PRAG1: variants seen among roughly 807,000 people sequenced by gnomAD.
PRAG1 encodes inactive tyrosine-protein kinase PRAG1.
A neutral mutation model predicts 95.6 loss-of-function variants in PRAG1; 110 were observed. The observed-to-expected ratio is 1.15, with a 90% CI of 0.99 to 1.35. PRAG1 has a LOEUF of 1.35. PRAG1 is among the 40% of genes most tolerant of loss of function. The pLI is 0.00. For missense variants in PRAG1, 2,554 were observed against 1,864.7 expected, an observed-to-expected ratio of 1.37 and a Z score of -6.81; for synonymous variants, 1,052 against 819.4, an observed-to-expected ratio of 1.28 and a Z score of -4.85.
rs768656447 is a variant in PRAG1 at position 8,319,186 on chromosome 8, G to A, written c.3189C>T (p.Leu1063=). The part of the protein sequence containing the change: ...HFVASVPSSM[L]SSPDAPKDPV... ...GGTCCTTGGGCGCGTCGGGGGAGCT[G>A]AGCATGCTGGACGGCACCGAGGCGA... Residue 1063 remains leucine, a synonymous_variant, in exon 6 of 6, where the codon CTC becomes CTT. Coordinates refer to ENST00000615670, the MANE Select transcript of PRAG1 (RefSeq NM_001080826.3). 9.4e-6 allele frequency: 15 copies of A among 1,602,152 alleles called. No individual in the cohort carries two copies. The highest frequency in any genetic ancestry group is 5.4e-5 in the African/African-American group (4 of 74,732).
At position 8,381,752 on chromosome 8, in the gene PRAG1, A is replaced by C; in HGVS notation, c.-5T>G. On this transcript the variant is annotated 5_prime_UTR_variant, in exon 2 of 6. Coordinates refer to ENST00000615670, the MANE Select transcript of PRAG1 (RefSeq NM_001080826.3). ...CAGGCAGAGGGTCTGGTGCATCTTG[A>C]GCCGACAGGGTGCTGGTTCATCTTG... is the stretch of plus-strand genomic sequence containing the variant. The C allele has an allele frequency of 1.3e-6, 2 of 1,570,744 alleles. No homozygotes were observed. The highest frequency in any genetic ancestry group is 1.7e-6 in the Non-Finnish European group (2 of 1,153,878).
Position 8,383,727 on chromosome 8 carries a change from C to G in PRAG1, c.-87-1893G>C, listed in dbSNP as rs188624211. ...TAAGAAGACTGTTAGCTAGGTTCTT[C>G]TCCTCCTCCAAATACACCCAAGTAG... On this transcript the variant is annotated intron_variant, in intron 1 of 5. Transcript: ENST00000615670. Among the ~76,000 whole-genome samples, 505 of 152,310 alleles carry G rather than the reference C, an allele frequency of 3.3e-3. 4 individuals carry two copies. Among genetic ancestry groups the G allele is most frequent in the African/African-American group, 0.011 (476 of 41,562 alleles).
chr8:8,327,129 A>G (rs963386259), intron 5 of PRAG1, among the ~76,000 whole-genome samples: 1 of 152,200 alleles, frequency 6.6e-6, no homozygotes, highest in African/African-American at 2.4e-5. Context: ...TGGTCAATAA[A>G]TGAATAAACT....
chr8:8,322,616 G>A (rs1205964025), intron 5 of PRAG1, among the ~76,000 whole-genome samples: 4 of 152,046 alleles, frequency 2.6e-5, no homozygotes, highest in Non-Finnish European at 5.9e-5. Flanking sequence ...CTCCCTGTTG[G>A]GATTACTGAT....
At chr8:8,375,163 T>C (rs1461481211) in intron 3 of PRAG1, among the ~76,000 whole-genome samples, 1 of 151,974 alleles carries the variant, frequency 6.6e-6, no homozygotes, top group Non-Finnish European at 1.5e-5. Flanking sequence ...TAGGGAAAAC[T>C]GAGTTTCAGC....
chr8:8,376,568 T>G lies in PRAG1; in HGVS notation c.1841A>C (p.Gln614Pro), dbSNP rs952548077. The G allele has an allele frequency of 6.2e-7, 1 of 1,607,248 alleles. No homozygotes were observed. Among genetic ancestry groups the G allele is most frequent in the African/African-American group, 1.3e-5 (1 of 74,812 alleles). The change falls in exon 3 of 6, where the codon CAG becomes CCG. Residue 614 changes from glutamine to proline, a missense_variant. Coordinates refer to ENST00000615670, the MANE Select transcript of PRAG1 (RefSeq NM_001080826.3). Reference protein sequence around the residue: ...VAISDPSRCPQPAASSASEQR... With the variant: ...VAISDPSRCPPPAASSASEQR... ...TTCCGAGGCTGACGAGGCGGCAGGC[T>G]GGGGACACCTGGATGGGTCACTGAT...
At position 8,377,979 on chromosome 8, in the gene PRAG1, C is replaced by A. The variant is rs774354623; in HGVS notation, c.430G>T (p.Gly144Cys). 2 of 1,613,036 alleles carry A rather than the reference C, an allele frequency of 1.2e-6. No homozygotes were observed. The highest frequency in any genetic ancestry group is 1.7e-6 in the Non-Finnish European group (2 of 1,179,660). The change falls in exon 3 of 6, where the codon GGT (glycine) becomes TGT (cysteine). Residue 144 changes from glycine (G) to cysteine (C), a missense_variant. Coordinates refer to ENST00000615670, the MANE Select transcript of PRAG1 (RefSeq NM_001080826.3). ...TTGCCATCAGGGGAGGTAGAGGGAC[C>A]AGCAGGCTTCTGTACACCTCGGAAG... ...GSFRGVQKPA[G>C]PSTSPDGNSR...
chr8:8,337,258 C>G (rs1380974411), intron 4 of PRAG1, among the ~76,000 whole-genome samples: 1 of 152,106 alleles, frequency 6.6e-6, no homozygotes, highest in African/African-American at 2.4e-5. Context: ...TACTGCATGC[C>G]AAACAGTAAC....
Position 8,336,914 on chromosome 8 carries a change from C to T in PRAG1, c.2320+2564G>A, listed in dbSNP as rs1258057208. ...TCCCCTCCCCACACCCCTTTCCCCC[C>T]TCCCCCCACCTCCGACATAAAGCAT... On this transcript the variant is annotated intron_variant, in intron 4 of 5. Coordinates refer to ENST00000615670, the MANE Select transcript of PRAG1 (RefSeq NM_001080826.3). 3.4e-5 allele frequency among the ~76,000 whole-genome samples: 3 copies of T among 89,044 alleles called. 1 individual carries two copies. The highest frequency in any genetic ancestry group is 6.0e-5 in the Non-Finnish European group (3 of 49,642). The allele number at this position is 89,044 out of a possible 152,430, so 58.4% of individuals were successfully genotyped here. A position where few individuals can be genotyped will look rare whatever the true frequency, so the allele number is the denominator to read the frequency against.
Position 8,370,934 on chromosome 8 carries a change from T to A in PRAG1, c.2162+5313A>T, listed in dbSNP as rs1333615423. ...CAGGTGGATTACTTGAAGTAAGGAG[T>A]TCGAGATCAGCCTGAGCAACACGGT... On this transcript the variant is annotated intron_variant, in intron 3 of 5. Transcript: ENST00000615670. Among the ~76,000 whole-genome samples the A allele has an allele frequency of 2.0e-5, 3 of 151,730 alleles. No individual in the cohort carries two copies. The East Asian group carries it at 5.8e-4, about 29-fold the overall frequency.
At chr8:8,324,957 G>A (rs1209173713) in intron 5 of PRAG1, among the ~76,000 whole-genome samples, 4 of 152,186 alleles carry the variant, frequency 2.6e-5, no homozygotes, top group African/African-American at 9.7e-5. Flanking sequence ...CAAAGTAGTA[G>A]GTTCCAGCAT....
chr8:8,318,594 T>C lies in PRAG1; in HGVS notation c.3781A>G (p.Ile1261Val). 6.2e-7 allele frequency: 1 copy of C among 1,612,794 alleles called. No homozygotes were observed. Among genetic ancestry groups the C allele is most frequent in the Non-Finnish European group, 8.5e-7 (1 of 1,179,804 alleles). Residue 1261 changes from isoleucine (I) to valine (V), a missense_variant, in exon 6 of 6, where the codon ATC becomes GTC. Physicochemically the swap from Ile to Val is conservative, Grantham distance 29. Transcript: ENST00000615670. This position sits in a 1 kb window ranked among gnomAD's most constrained non-coding sequence, Gnocchi z 4.2. ...KFDEFQTGIL[I>V]YELLHQPNPF... ...TTGGGTTGGTGCAGCAGCTCGTAGA[T>C]GAGGATGCCTGTCTGGAACTCATCG... is the stretch of plus-strand genomic sequence containing the variant.
At chr8:8,370,310 T>A (rs916212689) in intron 3 of PRAG1, among the ~76,000 whole-genome samples, 1 of 152,244 alleles carries the variant, frequency 6.6e-6, no homozygotes, top group African/African-American at 2.4e-5. Flanking sequence ...AATATAAACA[T>A]GCATTGTTGG....
chr8:8,369,380 T>C (rs959657316), intron 3 of PRAG1, among the ~76,000 whole-genome samples: 1 of 152,212 alleles, frequency 6.6e-6, no homozygotes, highest in African/African-American at 2.4e-5. Context: ...AGATACACTG[T>C]GTTAACAGCC....
chr8:8,356,229 G>A (rs2116879004), intron 3 of PRAG1, among the ~76,000 whole-genome samples: 2 of 152,312 alleles, frequency 1.3e-5, no homozygotes, highest in Admixed American at 1.3e-4. Context: ...ATATCACCTA[G>A]CACTCATTAA....
intron 3 of PRAG1, among the ~76,000 whole-genome samples, chr8:8,368,509 G>C (rs992719901): frequency 1.3e-5 from 2 of 152,198 alleles, no homozygotes; most frequent in Admixed American, 6.5e-5. Context: ...AGAGACACAG[G>C]ATATTCTTTG....
At chr8:8,324,564 C>T (rs1373083394) in intron 5 of PRAG1, among the ~76,000 whole-genome samples, 1 of 152,128 alleles carries the variant, frequency 6.6e-6, no homozygotes, top group African/African-American at 2.4e-5. Context: ...CCATCTCCAT[C>T]TCCCTACTCC....
intron 4 of PRAG1, among the ~76,000 whole-genome samples, chr8:8,338,638 T>G (rs749642640): frequency 3.4e-4 from 52 of 152,346 alleles, no homozygotes; most frequent in Non-Finnish European, 4.9e-4. Context: ...ACAGACTGAC[T>G]TATAACACAC....
At chr8:8,336,598 G>A (rs541950765) in intron 4 of PRAG1, among the ~76,000 whole-genome samples, 1 of 152,154 alleles carries the variant, frequency 6.6e-6, no homozygotes, top group Non-Finnish European at 1.5e-5. Context: ...TACAAAAGTG[G>A]CATTTTGCCA....
Sources: allele counts gnomAD v4.1 joint callset (sites outside exome capture counted in the v4.1 genomes callset), GRCh38; gene constraint gnomAD v4.1.1; non-coding constraint Gnocchi (gnomAD v3.1); transcripts MANE v1.5; gene names NCBI Gene and HGNC (gene_info 2026-07-23, HGNC 2026-07-21).